Variants in SLC35F3 observed in about 807,000 individuals in gnomAD.
SLC35F3 encodes solute carrier family 35 member F3.
Under a neutral mutation model 49.9 loss-of-function variants are expected in SLC35F3, and 25 were observed. The observed-to-expected ratio is 0.50, with a 90% CI of 0.37 to 0.70. The LOEUF (loss-of-function observed/expected upper bound fraction) is 0.70. Among genes scored for constraint, SLC35F3 ranks in the 30% least tolerant of loss-of-function variants. The pLI is 0.00. For missense variants in SLC35F3, 525 were observed against 639.8 expected, an observed-to-expected ratio of 0.82 and a Z score of 1.94; for synonymous variants, 275 against 265.4, an observed-to-expected ratio of 1.04 and a Z score of -0.35.
chr1:234,140,002 A>AGTAAAGTAAAATAAAATAAAATAAAAAT, intron 2 of SLC35F3, among the ~76,000 whole-genome samples: 1 of 105,478 alleles, frequency 9.5e-6, no homozygotes, highest in African/African-American at 3.1e-5. Context: ...AATAAAATAA[A>AGTAAAGTAAAATAAAATAAAATAAAAAT]GTAAGTGACT....
chr1:234,001,176 C>G (rs1316898985), intron 2 of SLC35F3, among the ~76,000 whole-genome samples: 1 of 152,200 alleles, frequency 6.6e-6, no homozygotes, highest in Non-Finnish European at 1.5e-5. Context: ...AGGCAAACAT[C>G]TGTGGACCTC....
intron 3 of SLC35F3, among the ~76,000 whole-genome samples, chr1:234,265,908 C>T (rs1258254637): frequency 1.1e-4 from 16 of 152,166 alleles, no homozygotes; most frequent in Admixed American, 9.2e-4. Context: ...TGTGTTTGCT[C>T]TTCCTCCATG....
chr1:234,282,774 G>T (rs1016918257), intron 3 of SLC35F3, among the ~76,000 whole-genome samples: 1 of 152,204 alleles, frequency 6.6e-6, no homozygotes, highest in African/African-American at 2.4e-5. Context: ...CCTGGCATTG[G>T]CATGGGTTGT....
At chr1:234,224,012 A>C (rs1412603365) in intron 2 of SLC35F3, among the ~76,000 whole-genome samples, 1 of 152,170 alleles carries the variant, frequency 6.6e-6, no homozygotes, top group African/African-American at 2.4e-5. Context: ...CTACAAGATT[A>C]GAATTCCATC....
rs1384642639 is a variant in SLC35F3 at position 234,066,087 on chromosome 1, C to T, written c.283+160329C>T. On this transcript the variant is annotated intron_variant, in intron 2 of 7. Coordinates refer to ENST00000366618, the MANE Select transcript of SLC35F3 (RefSeq NM_173508.4). The stretch of plus-strand genomic sequence containing the variant: ...ATGGGAATGGTTTGGGGTCCAGTAG[C>T]TCGCTGGAGAAAAAATAATTATCAT... Among the ~76,000 whole-genome samples the T allele has an allele frequency of 2.0e-5, 3 of 152,178 alleles. No homozygotes were observed. The East Asian group carries it at 5.8e-4, about 29-fold the overall frequency.
At chr1:234,037,363 AG>A (rs1664159207) in intron 2 of SLC35F3, among the ~76,000 whole-genome samples, 1 of 152,216 alleles carries the variant, frequency 6.6e-6, no homozygotes, top group Non-Finnish European at 1.5e-5. Context: ...AATGGCACAA[AG>A]CTATTCATGA....
intron 2 of SLC35F3, among the ~76,000 whole-genome samples, chr1:233,952,777 C>G (rs956172414): frequency 5.3e-5 from 8 of 152,192 alleles, no homozygotes; most frequent in African/African-American, 1.9e-4. Context: ...CACATGTGCA[C>G]TGCTGTCCAT....
chr1:233,907,167 C>A (rs1661790934), intron 2 of SLC35F3, among the ~76,000 whole-genome samples: 1 of 152,190 alleles, frequency 6.6e-6, no homozygotes, highest in Non-Finnish European at 1.5e-5. Context: ...ATTTTCTATT[C>A]TTATTTCCAT....
chr1:233,936,316 C>T (rs759608270), intron 2 of SLC35F3, among the ~76,000 whole-genome samples: 12 of 152,186 alleles, frequency 7.9e-5, no homozygotes, highest in Non-Finnish European at 1.8e-4. Context: ...AGTGACATCT[C>T]CAGCTCAGTT....
intron 3 of SLC35F3, among the ~76,000 whole-genome samples, chr1:234,262,723 ATGCGGT>A (rs1667924246): frequency 6.6e-6 from 1 of 152,206 alleles, no homozygotes; most frequent in African/African-American, 2.4e-5. Flanking sequence ...CTGGTACAGA[ATGCGGT>A]TCCGGTTGTG....
At chr1:234,173,860 C>T (rs573101752) in intron 2 of SLC35F3, among the ~76,000 whole-genome samples, 18 of 152,302 alleles carry the variant, frequency 1.2e-4, no homozygotes, top group African/African-American at 4.1e-4. Context: ...ACAAGAGTTT[C>T]CTCCGCTCTC....
chr1:234,314,762 AAAAC>A (rs923797804), intron 4 of SLC35F3, among the ~76,000 whole-genome samples: 3 of 152,200 alleles, frequency 2.0e-5, no homozygotes, highest in Non-Finnish European at 2.9e-5. Context: ...AATCCATCTC[AAAAC>A]AAACAAACAA....
rs146288053 is a variant in SLC35F3 at position 234,072,582 on chromosome 1, T to G, written c.284-158835T>G. Among the ~76,000 whole-genome samples, 611 of 152,192 alleles carry G rather than the reference T, an allele frequency of 4.0e-3. 5 individuals are homozygous for G. The highest frequency in any genetic ancestry group is 0.014 in the African/African-American group (573 of 41,520). ...GGAGAACTTGCCATTTTCTATGCGG[T>G]GACCGGGGAAGTATCTCTGATGTGA... On this transcript the variant is annotated intron_variant, in intron 2 of 7. Transcript: ENST00000366618.
At chr1:234,153,248 C>T (rs1464255721) in intron 2 of SLC35F3, among the ~76,000 whole-genome samples, 3 of 152,162 alleles carry the variant, frequency 2.0e-5, no homozygotes, top group Non-Finnish European at 2.9e-5. Flanking sequence ...TGGTGTGGAG[C>T]ATTACAGTAA....
At chr1:233,942,600 G>A (rs554282066) in intron 2 of SLC35F3, among the ~76,000 whole-genome samples, 2 of 152,074 alleles carry the variant, frequency 1.3e-5, no homozygotes, top group East Asian at 1.9e-4. Flanking sequence ...TTTTTGTAGA[G>A]ATAGAGTTTC....
chr1:233,934,471 G>C (rs1474272173), intron 2 of SLC35F3, among the ~76,000 whole-genome samples: 3 of 152,018 alleles, frequency 2.0e-5, no homozygotes, highest in Admixed American at 6.5e-5. Flanking sequence ...TTATACTATT[G>C]AGTTACATGT....
At chr1:234,170,522 AC>A (rs1666385902) in intron 2 of SLC35F3, among the ~76,000 whole-genome samples, 1 of 151,764 alleles carries the variant, frequency 6.6e-6, no homozygotes, top group African/African-American at 2.4e-5. Context: ...GGTGTAGAGT[AC>A]CCGTTCCAAC....
At chr1:234,159,077 G>C (rs1666191900) in intron 2 of SLC35F3, among the ~76,000 whole-genome samples, 1 of 151,978 alleles carries the variant, frequency 6.6e-6, no homozygotes. Context: ...CTAATACCCA[G>C]AGCATTATAG....
At chr1:234,095,592 T>G (rs1475137835) in intron 2 of SLC35F3, among the ~76,000 whole-genome samples, 1 of 152,228 alleles carries the variant, frequency 6.6e-6, no homozygotes, top group Non-Finnish European at 1.5e-5. Context: ...TCCTGATAAC[T>G]TTCTTAGACA....
Sources: gnomAD v4.1 joint callset for allele counts (sites outside exome capture counted in the v4.1 genomes callset) on GRCh38, gnomAD v4.1.1 for gene constraint, MANE v1.5 for transcripts, NCBI Gene and HGNC (gene_info 2026-07-23, HGNC 2026-07-21) for gene names.